Variants in CIRSR observed in about 807,000 individuals in gnomAD.
CIRSR encodes corepressor of RBPJ and splicing regulator.
chr2:174,367,398 T>C, the CIRSR span, among the ~76,000 whole-genome samples: 8 of 152,022 alleles, frequency 5.3e-5, no homozygotes, highest in Non-Finnish European at 1.2e-4. Context: ...GCTAACACAG[T>C]GAAACCCCGT....
At chr2:174,380,356 T>C in the CIRSR span, 1 of 783,808 alleles carries the variant, frequency 1.3e-6, no homozygotes, top group African/African-American at 1.8e-5. Context: ...CATTATGAAA[T>C]ATATTACTTC....
the CIRSR span, among the ~76,000 whole-genome samples, chr2:174,354,995 AT>A: frequency 1.3e-5 from 2 of 151,024 alleles, no homozygotes; most frequent in African/African-American, 4.9e-5. Flanking sequence ...TCTTATTCAC[AT>A]TTTTTTTATA....
At chr2:174,354,959 T>C in the CIRSR span, among the ~76,000 whole-genome samples, 1 of 151,040 alleles carries the variant, frequency 6.6e-6, no homozygotes, top group Non-Finnish European at 1.5e-5. Context: ...AAAATGCTCT[T>C]AGTAGTAATA....
At chr2:174,382,247 T>C in the CIRSR span, among the ~76,000 whole-genome samples, 3 of 152,136 alleles carry the variant, frequency 2.0e-5, no homozygotes, top group Non-Finnish European at 2.9e-5. Context: ...AAAATAAGTC[T>C]CTCAGGGATT....
the CIRSR span, among the ~76,000 whole-genome samples, chr2:174,374,207 T>C: frequency 6.6e-6 from 1 of 152,280 alleles, no homozygotes; most frequent in Non-Finnish European, 1.5e-5. Context: ...TCTGTGCTTA[T>C]GTTTTTCTTT....
At chr2:174,348,508 G>T in the CIRSR span, 1 of 1,603,424 alleles carries the variant, frequency 6.2e-7, no homozygotes, top group Non-Finnish European at 8.5e-7. Context: ...CATTCTCTTT[G>T]TGTCACTTTA....
the CIRSR span, among the ~76,000 whole-genome samples, chr2:174,383,454 T>C: frequency 6.6e-6 from 1 of 152,074 alleles, no homozygotes; most frequent in African/African-American, 2.4e-5. Context: ...GCACGGGGGC[T>C]CACATCTGTA....
chr2:174,380,084 C>T, the CIRSR span: 4 of 628,140 alleles, frequency 6.4e-6, no homozygotes, highest in South Asian at 2.4e-5. Flanking sequence ...CTTATATTAT[C>T]TGATACAAAT....
At chr2:174,391,040 A>G in the CIRSR span, among the ~76,000 whole-genome samples, 261 of 152,326 alleles carry the variant, frequency 1.7e-3, no homozygotes, top group South Asian at 9.5e-3. Context: ...GTAAACAAAC[A>G]CTTTCTTCTT....
At chr2:174,348,736 C>T in the CIRSR span, 3 of 1,614,206 alleles carry the variant, frequency 1.9e-6, no homozygotes, top group Non-Finnish European at 2.5e-6. Flanking sequence ...TCCTTTCTTT[C>T]AGAGCCTCTC....
the CIRSR span, among the ~76,000 whole-genome samples, chr2:174,386,514 C>T: frequency 3.3e-5 from 5 of 151,554 alleles, no homozygotes; most frequent in African/African-American, 1.2e-4. Flanking sequence ...ATGCTATTGA[C>T]ATTTTGAACT....
chr2:174,370,200 A>G, the CIRSR span, among the ~76,000 whole-genome samples: 1 of 152,182 alleles, frequency 6.6e-6, no homozygotes, highest in Admixed American at 6.5e-5. Context: ...TTTCCTATAC[A>G]GTAACTGTTT....
chr2:174,378,697 T>G, the CIRSR span: 815 of 512,866 alleles, frequency 1.6e-3, 5 homozygotes, highest in African/African-American at 0.014. Flanking sequence ...TCATAGGGCC[T>G]TTGGCTGGAA....
chr2:174,364,028 G>A, the CIRSR span, among the ~76,000 whole-genome samples: 1 of 152,132 alleles, frequency 6.6e-6, no homozygotes, highest in African/African-American at 2.4e-5. Context: ...TTCCATCCAA[G>A]ACAAAGCAAA....
chr2:174,381,691 A>G, the CIRSR span: 1 of 1,568,128 alleles, frequency 6.4e-7, no homozygotes, highest in Non-Finnish European at 8.6e-7. Flanking sequence ...AAGAAACGGA[A>G]GAAGATAAGT....
chr2:174,354,672 A>T, the CIRSR span, among the ~76,000 whole-genome samples: 19 of 96,088 alleles, frequency 2.0e-4, no homozygotes, highest in Non-Finnish European at 3.5e-4. Flanking sequence ...AATATATATT[A>T]TATATTTTAT....
At chr2:174,360,999 T>TA in the CIRSR span, among the ~76,000 whole-genome samples, 2 of 152,148 alleles carry the variant, frequency 1.3e-5, no homozygotes, top group Non-Finnish European at 2.9e-5. Flanking sequence ...TCCTCTTGCA[T>TA]AAAAAAATTT....
the CIRSR span, chr2:174,349,228 C>T: frequency 1.2e-5 from 11 of 919,246 alleles, no homozygotes; most frequent in East Asian, 2.5e-4. Context: ...ATTTCATCAA[C>T]TGTAAGTTAT....
the CIRSR span, among the ~76,000 whole-genome samples, chr2:174,390,927 G>GC: frequency 6.6e-6 from 1 of 152,190 alleles, no homozygotes; most frequent in East Asian, 1.9e-4. Flanking sequence ...CTGCAGAACT[G>GC]CAAGTCAATT....
Sources: gnomAD v4.1 joint callset for allele counts (sites outside exome capture counted in the v4.1 genomes callset) on GRCh38, gnomAD v4.1.1 for gene constraint, MANE v1.5 for transcripts, NCBI Gene and HGNC (gene_info 2026-07-23, HGNC 2026-07-21) for gene names.